PRR16: variants seen among roughly 807,000 people sequenced by gnomAD.
PRR16 encodes proline rich 16.
Under a neutral mutation model 18.2 loss-of-function variants are expected in PRR16, and 6 were observed. The observed-to-expected ratio is 0.33, with a 90% CI of 0.18 to 0.65. The LOEUF (loss-of-function observed/expected upper bound fraction) is 0.65. Ranked by LOEUF, PRR16 falls within the 30% of genes least tolerant of loss-of-function variation. The probability of loss-of-function intolerance (pLI) is 0.74; values close to 1 mark genes in which losing one functional copy is unlikely to be tolerated. For missense variants in PRR16, 412 were observed against 376.6 expected (o/e 1.09, Z -0.78); for synonymous variants, 151 against 147.8 (o/e 1.02, Z -0.16).
chr5:120,548,622 A>T (rs1752149963), intron 1 of PRR16, among the ~76,000 whole-genome samples: 1 of 152,060 alleles, frequency 6.6e-6, no homozygotes, highest in Admixed American at 6.6e-5. Context: ...AGATGTTACT[A>T]TTAGCCCTCA....
At chr5:120,787,249 C>G in the PRR16 span, among the ~76,000 whole-genome samples, 24 of 151,716 alleles carry the variant, frequency 1.6e-4, no homozygotes, top group Admixed American at 1.4e-3. Flanking sequence ...TTATAACTAA[C>G]AATAATGGAA....
At chr5:120,608,601 A>G (rs1416294795) in intron 1 of PRR16, among the ~76,000 whole-genome samples, 1 of 152,220 alleles carries the variant, frequency 6.6e-6, no homozygotes, top group Non-Finnish European at 1.5e-5. Flanking sequence ...TTGTGACTTA[A>G]TATACCAAAT....
the PRR16 span, chr5:120,781,640 A>C: frequency 0.25 from 37,890 of 152,062 alleles, 5,295 homozygotes; most frequent in Non-Finnish European, 0.31. Flanking sequence ...TAAGCTTAAA[A>C]TACCCAGTAT....
At chr5:120,641,274 G>T (rs1162671030) in intron 1 of PRR16, among the ~76,000 whole-genome samples, 1 of 152,124 alleles carries the variant, frequency 6.6e-6, no homozygotes, top group Non-Finnish European at 1.5e-5. Context: ...GGGATCAACA[G>T]TTAAGTTTTG....
chr5:120,572,657 A>G (rs1752945180), intron 1 of PRR16, among the ~76,000 whole-genome samples: 1 of 152,100 alleles, frequency 6.6e-6, no homozygotes, highest in Admixed American at 6.6e-5. Flanking sequence ...TAATGAGGAA[A>G]GTAGGTGGAT....
chr5:120,713,205 A>G, the PRR16 span, among the ~76,000 whole-genome samples: 1 of 152,176 alleles, frequency 6.6e-6, no homozygotes, highest in Non-Finnish European at 1.5e-5. Context: ...TGGAGGACAT[A>G]ATTCTAAGTA....
chr5:120,702,927 G>A, the PRR16 span, among the ~76,000 whole-genome samples: 1 of 152,198 alleles, frequency 6.6e-6, no homozygotes, highest in East Asian at 1.9e-4. Context: ...ATCTCCCAAG[G>A]GAGGTCCCCC....
intron 1 of PRR16, among the ~76,000 whole-genome samples, chr5:120,606,149 G>A (rs1754147308): frequency 6.6e-6 from 1 of 152,154 alleles, no homozygotes; most frequent in African/African-American, 2.4e-5. Context: ...GAACTTCAAA[G>A]AAACTTCAGA....
chr5:120,654,477 CT>C (rs549516616), intron 1 of PRR16, among the ~76,000 whole-genome samples: 2,301 of 147,928 alleles, frequency 0.016, 58 homozygotes, highest in African/African-American at 0.052. Flanking sequence ...CAAAAAGTGT[CT>C]TTTTTTTTTA....
intron 1 of PRR16, among the ~76,000 whole-genome samples, chr5:120,614,863 G>A (rs949326594): frequency 5.9e-5 from 9 of 152,138 alleles, no homozygotes; most frequent in Non-Finnish European, 4.4e-5. Flanking sequence ...GCCATGAGGA[G>A]GAACATATAG....
the PRR16 span, among the ~76,000 whole-genome samples, chr5:120,709,162 C>G: frequency 2.0e-5 from 3 of 151,652 alleles, no homozygotes; most frequent in Non-Finnish European, 4.4e-5. Flanking sequence ...CGCCCGTCAC[C>G]ACGCCTGGCT....
the PRR16 span, among the ~76,000 whole-genome samples, chr5:120,708,604 C>T: frequency 4.6e-5 from 7 of 152,092 alleles, no homozygotes; most frequent in Non-Finnish European, 5.9e-5. Context: ...GTAAAGGAGA[C>T]ACTTGTAATT....
the PRR16 span, among the ~76,000 whole-genome samples, chr5:120,737,059 A>G: frequency 6.6e-6 from 1 of 152,204 alleles, no homozygotes; most frequent in Admixed American, 6.5e-5. Context: ...CGATTTATGC[A>G]GAAAAATGAT....
chr5:120,680,435 C>T (rs1438398374), intron 1 of PRR16, among the ~76,000 whole-genome samples: 1 of 152,084 alleles, frequency 6.6e-6, no homozygotes, highest in Non-Finnish European at 1.5e-5. Context: ...CTAACACAAT[C>T]ACTTGTTAAT....
intron 1 of PRR16, among the ~76,000 whole-genome samples, chr5:120,602,290 T>G (rs1260914701): frequency 6.6e-6 from 1 of 152,012 alleles, no homozygotes; most frequent in African/African-American, 2.4e-5. Flanking sequence ...CCCTGGTTAG[T>G]TATATTCCTC....
the PRR16 span, among the ~76,000 whole-genome samples, chr5:120,723,387 A>G: frequency 5.1e-4 from 78 of 152,104 alleles, no homozygotes; most frequent in East Asian, 0.014. Flanking sequence ...CAGTAATTTC[A>G]GCACGGAAAA....
chr5:120,618,234 T>A (rs924853507), intron 1 of PRR16, among the ~76,000 whole-genome samples: 1 of 152,142 alleles, frequency 6.6e-6, no homozygotes, highest in Non-Finnish European at 1.5e-5. Context: ...TTAACATGTT[T>A]ACAATTACTG....
chr5:120,578,871 A>G (rs968088920), intron 1 of PRR16, among the ~76,000 whole-genome samples: 51 of 152,154 alleles, frequency 3.4e-4, no homozygotes, highest in Non-Finnish European at 5.3e-4. Context: ...CCAACAGTGT[A>G]AAAGTGTTCC....
the PRR16 span, among the ~76,000 whole-genome samples, chr5:120,743,687 G>T: frequency 1.3e-5 from 2 of 151,968 alleles, no homozygotes; most frequent in Non-Finnish European, 2.9e-5. Flanking sequence ...ACTTTTTGCT[G>T]TATTTTAGGA....
Sources: allele counts gnomAD v4.1 joint callset (sites outside exome capture counted in the v4.1 genomes callset), GRCh38; gene constraint gnomAD v4.1.1; transcripts MANE v1.5; gene names NCBI Gene and HGNC (gene_info 2026-07-23, HGNC 2026-07-21).